Variants in MYT1L observed in about 807,000 individuals in gnomAD.
MYT1L encodes the protein myelin transcription factor 1 like.
Under a neutral mutation model 126.7 loss-of-function variants are expected in MYT1L, and 12 were observed. The observed-to-expected ratio is 0.09, with a 90% CI of 0.06 to 0.15. The LOEUF is 0.15. MYT1L is among the 10% of genes least tolerant of loss of function. The pLI is 1.00. For missense variants in MYT1L, 979 were observed against 1,585.2 expected (o/e 0.62, Z 6.49); for synonymous variants, 541 against 604.2 (o/e 0.90, Z 1.53).
At chr2:2,281,668 T>C (rs971560632) in intron 2 of MYT1L, among the ~76,000 whole-genome samples, 3 of 152,150 alleles carry the variant, frequency 2.0e-5, no homozygotes, top group Non-Finnish European at 4.4e-5. Flanking sequence ...TCATATGAAA[T>C]AGAAATTAGC....
At chr2:2,323,257 T>C (rs2096201372) in intron 1 of MYT1L, among the ~76,000 whole-genome samples, 1 of 152,148 alleles carries the variant, frequency 6.6e-6, no homozygotes, top group Non-Finnish European at 1.5e-5. Flanking sequence ...CCAAAAGTTG[T>C]ATTTTCTGTC....
At chr2:1,930,359 C>A (rs1357484578) in intron 9 of MYT1L, among the ~76,000 whole-genome samples, 1 of 152,200 alleles carries the variant, frequency 6.6e-6, no homozygotes, top group Non-Finnish European at 1.5e-5. Context: ...CCTGTGGGGG[C>A]CCTCTCTTCT....
At chr2:1,916,860 C>T (rs919781727) in intron 11 of MYT1L, among the ~76,000 whole-genome samples, 6 of 152,166 alleles carry the variant, frequency 3.9e-5, no homozygotes, top group Admixed American at 2.0e-4. Flanking sequence ...CTGGAAGGGA[C>T]GTCTTAGAGG....
At position 1,910,364 on chromosome 2, in the gene MYT1L, CG is replaced by C. The variant is rs1558365136; in HGVS notation, c.1710-18del. 6.2e-7 allele frequency: 1 copy of C among 1,604,414 alleles called. No individual in the cohort carries two copies. The highest frequency in any genetic ancestry group is 2.2e-5 in the East Asian group (1 of 44,830). On this transcript the variant is annotated intron_variant, in intron 12 of 24. Transcript: ENST00000647738. The surrounding 1 kb of genome is among the most constrained non-coding windows in gnomAD (Gnocchi z 4.8). ...CCGGAGAGGCTGCAATCACAGAAAG[CG>C]GGTTGAATGGTCCCGCCTCAAACAC...
At chr2:2,098,905 T>C (rs2077733755) in intron 3 of MYT1L, among the ~76,000 whole-genome samples, 1 of 152,116 alleles carries the variant, frequency 6.6e-6, no homozygotes, top group South Asian at 2.1e-4. Flanking sequence ...TCCTGGGAGC[T>C]GGACAACCCA....
intron 18 of MYT1L, among the ~76,000 whole-genome samples, chr2:1,854,310 G>A (rs533830828): frequency 1.2e-4 from 18 of 152,012 alleles, no homozygotes; most frequent in Non-Finnish European, 2.5e-4. Flanking sequence ...TTTAAAGTAG[G>A]GCTTTTTTTG....
At chr2:2,001,172 GT>G (rs535320336) in intron 4 of MYT1L, among the ~76,000 whole-genome samples, 2 of 130,898 alleles carry the variant, frequency 1.5e-5, no homozygotes, top group East Asian at 2.4e-4. Flanking sequence ...ATCACTATTA[GT>G]TTTTTTGAAT....
At chr2:1,858,747 T>G (rs1163114881) in intron 18 of MYT1L, among the ~76,000 whole-genome samples, 2 of 152,254 alleles carry the variant, frequency 1.3e-5, no homozygotes, top group Non-Finnish European at 2.9e-5. Flanking sequence ...TGATTTTGTC[T>G]TCTTTTGGAA....
intron 1 of MYT1L, among the ~76,000 whole-genome samples, chr2:2,308,316 A>G (rs1220385301): frequency 1.3e-5 from 2 of 151,938 alleles, no homozygotes; most frequent in African/African-American, 2.4e-5. Context: ...CGTTCTACCC[A>G]TACTCCACCT....
chr2:1,841,029 A>G (rs1265007692), intron 19 of MYT1L, 186 bp from the exon 20 acceptor site: 12 of 524,730 alleles, frequency 2.3e-5, no homozygotes, highest in Middle Eastern at 5.2e-4. Context: ...TCAGCCTCCC[A>G]AGTAGCTGGG....
intron 2 of MYT1L, among the ~76,000 whole-genome samples, chr2:2,216,310 C>T (rs991928694): frequency 6.6e-6 from 1 of 152,106 alleles, no homozygotes; most frequent in Non-Finnish European, 1.5e-5. Context: ...CATACAAGTA[C>T]ATGTTTCGAC....
At chr2:1,891,654 G>C (rs1319511001) in intron 15 of MYT1L, among the ~76,000 whole-genome samples, 1 of 152,166 alleles carries the variant, frequency 6.6e-6, no homozygotes, top group Non-Finnish European at 1.5e-5. Flanking sequence ...GGTGCTAGCA[G>C]AACTTCCTGT....
chr2:1,821,652 T>G (rs2038542318), intron 21 of MYT1L, among the ~76,000 whole-genome samples: 1 of 152,232 alleles, frequency 6.6e-6, no homozygotes. Context: ...GCCGGAGTCC[T>G]TGGCTGTTCA....
intron 2 of MYT1L, among the ~76,000 whole-genome samples, chr2:2,281,247 T>G (rs899921777): frequency 6.6e-6 from 1 of 152,204 alleles, no homozygotes; most frequent in Non-Finnish European, 1.5e-5. Context: ...CCTTCTGCCG[T>G]GATTGCAAGT....
At chr2:2,248,102 T>A (rs911668454) in intron 2 of MYT1L, among the ~76,000 whole-genome samples, 1 of 151,548 alleles carries the variant, frequency 6.6e-6, no homozygotes, top group Non-Finnish European at 1.5e-5. Flanking sequence ...ACTGTTTTTT[T>A]AAAAAGGTAA....
At chr2:1,903,006 G>T (rs2050557991) in intron 14 of MYT1L, 74 bp downstream of exon 14, 2 of 1,372,074 alleles carry the variant, frequency 1.5e-6, no homozygotes, top group Non-Finnish European at 2.1e-6. Flanking sequence ...CTAATTTGTA[G>T]GACATTGATA....
intron 3 of MYT1L, among the ~76,000 whole-genome samples, chr2:2,108,056 C>A (rs1166544788): frequency 6.6e-6 from 1 of 152,164 alleles, no homozygotes; most frequent in Non-Finnish European, 1.5e-5. Context: ...TTTTTACCAA[C>A]AGAAACGAAC....
intron 1 of MYT1L, among the ~76,000 whole-genome samples, chr2:2,322,548 G>A (rs1226729167): frequency 6.6e-6 from 1 of 151,668 alleles, no homozygotes; most frequent in Non-Finnish European, 1.5e-5. Flanking sequence ...AGAGTGGCAC[G>A]CGGGGCTCCG....
At chr2:2,289,398 A>C (rs1326809356) in intron 1 of MYT1L, among the ~76,000 whole-genome samples, 2 of 152,168 alleles carry the variant, frequency 1.3e-5, no homozygotes, top group Non-Finnish European at 2.9e-5. Flanking sequence ...ACAATTTTTA[A>C]TTTGCTGATT....
Sources: gnomAD v4.1 joint callset for allele counts (sites outside exome capture counted in the v4.1 genomes callset) on GRCh38, gnomAD v4.1.1 for gene constraint, Gnocchi (gnomAD v3.1) non-coding constraint, MANE v1.5 for transcripts, NCBI Gene and HGNC (gene_info 2026-07-23, HGNC 2026-07-21) for gene names.